Variants in FUT8 observed in about 807,000 individuals in gnomAD.
The protein encoded by FUT8 is fucosyltransferase 8, also known as alpha-(1,6)-fucosyltransferase.
In FUT8, 29 loss-of-function variants were observed where a neutral mutation model predicts 71.3. The observed-to-expected ratio is 0.41, with a 90% confidence interval of 0.30 to 0.55. The LOEUF (loss-of-function observed/expected upper bound fraction) is 0.55. FUT8 is among the 20% of genes least tolerant of loss of function. The pLI is 0.34. For synonymous variants in FUT8, 254 were observed against 239.3 expected (o/e 1.06, Z -0.57); for missense variants, 544 against 702.1 (o/e 0.77, Z 2.55).
At chr14:65,384,348 A>G in the FUT8 span, among the ~76,000 whole-genome samples, 4 of 152,152 alleles carry the variant, frequency 2.6e-5, no homozygotes, top group African/African-American at 7.2e-5. This position sits in a 1 kb window ranked among gnomAD's most constrained non-coding sequence, Gnocchi z 4.2. Context: ...TCCTGGGCTC[A>G]AGTGATCCTC....
chr14:65,567,900 T>C (rs531660707), intron 3 of FUT8, among the ~76,000 whole-genome samples: 68 of 151,960 alleles, frequency 4.5e-4, no homozygotes, highest in Non-Finnish European at 7.2e-4. Flanking sequence ...TCTTGTGATG[T>C]CTTTCAGGTT....
intron 3 of FUT8, among the ~76,000 whole-genome samples, chr14:65,563,423 A>G (rs568064562): frequency 6.6e-6 from 1 of 152,142 alleles, no homozygotes; most frequent in East Asian, 1.9e-4. Flanking sequence ...GCTGAAGGTC[A>G]CACTTTTCAC....
intron 6 of FUT8, among the ~76,000 whole-genome samples, chr14:65,667,044 A>G (rs1057246664): frequency 7.9e-5 from 12 of 152,204 alleles, no homozygotes; most frequent in African/African-American, 2.7e-4. Flanking sequence ...TACCTGTGAC[A>G]GACCCACAGA....
intron 1 of FUT8, among the ~76,000 whole-genome samples, chr14:65,426,747 T>A (rs1289620665): frequency 6.6e-6 from 1 of 152,212 alleles, no homozygotes; most frequent in African/African-American, 2.4e-5. Context: ...CTCAAAATAG[T>A]CAATATGTCA....
chr14:65,401,590 C>T, the FUT8 span, among the ~76,000 whole-genome samples: 1 of 151,990 alleles, frequency 6.6e-6, no homozygotes, highest in Non-Finnish European at 1.5e-5. Flanking sequence ...GGAGCAGTAA[C>T]CAAAAGGTAG....
rs1017293344 is a variant in FUT8, at chr14:65,574,306, G to A, written c.203+12540G>A. Among the ~76,000 whole-genome samples the A allele has an allele frequency of 6.6e-6, 1 of 152,206 alleles. No homozygotes were observed. Among genetic ancestry groups the A allele is most frequent in the South Asian group, 2.1e-4 (1 of 4,814 alleles). Reference sequence around the variant, plus strand: ...ATGGAAGATACATTCCATCATCTTTGCAATATTCTATTGATTAGAGCAAAT... The same window carrying A: ...ATGGAAGATACATTCCATCATCTTTACAATATTCTATTGATTAGAGCAAAT... On this transcript the variant is annotated intron_variant, in intron 3 of 10. Transcript: ENST00000673929. The surrounding 1 kb of genome is among the most constrained non-coding windows in gnomAD (Gnocchi z 5.2).
intron 6 of FUT8, among the ~76,000 whole-genome samples, chr14:65,656,779 A>T (rs1280925375): frequency 6.6e-6 from 1 of 152,336 alleles, no homozygotes. Flanking sequence ...GAGCTATAGT[A>T]ACCAAAACAG....
At chr14:65,619,023 G>A (rs576388063) in intron 5 of FUT8, among the ~76,000 whole-genome samples, 1 of 152,296 alleles carries the variant, frequency 6.6e-6, no homozygotes, top group South Asian at 2.1e-4. Context: ...GAAGTGGGGT[G>A]TAGTATTATG....
intron 2 of FUT8, among the ~76,000 whole-genome samples, chr14:65,538,396 A>G (rs1456912125): frequency 1.3e-5 from 2 of 152,114 alleles, no homozygotes; most frequent in Non-Finnish European, 2.9e-5. Context: ...TCTTCACATC[A>G]GCCCCTGTTC....
At chr14:65,676,759 A>G (rs940726667) in intron 7 of FUT8, among the ~76,000 whole-genome samples, 2 of 152,200 alleles carry the variant, frequency 1.3e-5, no homozygotes, top group African/African-American at 2.4e-5. Context: ...GAAGATTGCA[A>G]TCTTTCAGTA....
At chr14:65,486,314 T>G (rs1241814855) in intron 2 of FUT8, among the ~76,000 whole-genome samples, 1 of 152,252 alleles carries the variant, frequency 6.6e-6, no homozygotes, top group Non-Finnish European at 1.5e-5. Context: ...TAGTGGAGTC[T>G]GATTGAACTG....
chr14:65,561,407 A>T lies in FUT8; in HGVS notation c.-157A>T. 1.5e-6 allele frequency: 1 copy of T among 665,614 alleles called. No individual in the cohort carries two copies. Among genetic ancestry groups the T allele is most frequent in the South Asian group, 1.9e-5 (1 of 52,852 alleles). 41.2% of individuals were successfully genotyped at this position (665,614 alleles called of 1,614,324 possible). A position where few individuals can be genotyped will look rare whatever the true frequency, so the allele number is the denominator to read the frequency against. On this transcript the variant is annotated 5_prime_UTR_variant, in exon 3 of 11. Transcript: ENST00000673929. Reference sequence around the variant, plus strand: ...ATCACCAGGAGGATCTCTTTGAAAGATTCACTGCAGGACTACCAGAGAGAA... The same window carrying T: ...ATCACCAGGAGGATCTCTTTGAAAGTTTCACTGCAGGACTACCAGAGAGAA...
At chr14:65,418,031 T>A (rs1031497428) in intron 1 of FUT8, among the ~76,000 whole-genome samples, 3 of 152,168 alleles carry the variant, frequency 2.0e-5, no homozygotes, top group Non-Finnish European at 4.4e-5. Flanking sequence ...TAATCTTAGA[T>A]GAAAATGGAA....
chr14:65,577,883 A>G (rs1450266801), intron 3 of FUT8, among the ~76,000 whole-genome samples: 2 of 152,084 alleles, frequency 1.3e-5, no homozygotes, highest in Non-Finnish European at 2.9e-5. Flanking sequence ...ACTGGACAAT[A>G]TGATTTTTAA....
At chr14:65,691,846 A>C (rs907455907) in intron 7 of FUT8, among the ~76,000 whole-genome samples, 2 of 152,134 alleles carry the variant, frequency 1.3e-5, no homozygotes, top group Non-Finnish European at 2.9e-5. Flanking sequence ...AACAAAGCAC[A>C]TCTTGCACCG....
chr14:65,420,019 A>G (rs1460724168), intron 1 of FUT8, among the ~76,000 whole-genome samples: 1 of 152,220 alleles, frequency 6.6e-6, no homozygotes, highest in Non-Finnish European at 1.5e-5. Flanking sequence ...TTTGTAAGTA[A>G]ACAAACACAC....
At chr14:65,379,311 C>G in the FUT8 span, among the ~76,000 whole-genome samples, 1 of 152,018 alleles carries the variant, frequency 6.6e-6, no homozygotes, top group Admixed American at 6.6e-5. Context: ...GAGCAGATCA[C>G]TTGAGGTCAG....
At chr14:65,362,919 G>T in the FUT8 span, among the ~76,000 whole-genome samples, 1 of 137,020 alleles carries the variant, frequency 7.3e-6, no homozygotes, top group Non-Finnish European at 1.5e-5. Context: ...CTGAGTTTGC[G>T]CCTCTGTACA....
chr14:65,466,037 A>G (rs1392661549), intron 2 of FUT8, among the ~76,000 whole-genome samples: 1 of 152,170 alleles, frequency 6.6e-6, no homozygotes, highest in East Asian at 1.9e-4. Flanking sequence ...ATGCCCCTCT[A>G]TCACTGATAA....
Sources: allele counts gnomAD v4.1 joint callset (sites outside exome capture counted in the v4.1 genomes callset), GRCh38; gene constraint gnomAD v4.1.1; non-coding constraint Gnocchi (gnomAD v3.1); transcripts MANE v1.5; gene names NCBI Gene and HGNC (gene_info 2026-07-23, HGNC 2026-07-21).